The following LRP1B variants were observed in gnomAD, a reference collection of about 807,000 sequenced individuals.
The protein encoded by LRP1B is LDL receptor related protein 1B.
Under a neutral mutation model 556.6 loss-of-function variants are expected in LRP1B, and 217 were observed. The ratio of observed to expected loss-of-function variants is 0.39; its 90% CI spans 0.35 to 0.44. LRP1B has a LOEUF of 0.44. Ranked by LOEUF, LRP1B falls within the 20% of genes least tolerant of loss-of-function variation. The probability of loss-of-function intolerance (pLI) is 1.00; values close to 1 mark genes in which losing one functional copy is unlikely to be tolerated. For missense variants in LRP1B, 5,053 were observed against 5,620.8 expected (o/e 0.90, Z 3.23); for synonymous variants, 2,047 against 1,865.8 (o/e 1.10, Z -2.50).
At chr2:140,306,891 T>C (rs1035128467) in intron 83 of LRP1B, among the ~76,000 whole-genome samples, 13 of 152,276 alleles carry the variant, frequency 8.5e-5, no homozygotes, top group African/African-American at 2.9e-4. Context: ...AACATTTTTA[T>C]TTCTGCTTTC....
At chr2:140,779,716 T>TGC (rs1477361829) in intron 32 of LRP1B, among the ~76,000 whole-genome samples, 1 of 79,632 alleles carries the variant, frequency 1.3e-5, no homozygotes, top group African/African-American at 4.9e-5. Flanking sequence ...AAAAAAAAAG[T>TGC]GTGTGTGTGT....
chr2:141,151,053 A>G (rs1014523593), intron 7 of LRP1B, among the ~76,000 whole-genome samples: 4 of 152,192 alleles, frequency 2.6e-5, no homozygotes, highest in African/African-American at 9.6e-5. Context: ...AATTCACACT[A>G]TCAAGGAATT....
At chr2:141,429,523 G>T (rs1680489609) in intron 3 of LRP1B, among the ~76,000 whole-genome samples, 1 of 152,144 alleles carries the variant, frequency 6.6e-6, no homozygotes, top group Non-Finnish European at 1.5e-5. Context: ...TGTGCAAGAT[G>T]TGCAGGTTTG....
chr2:140,610,188 GTTGT>G (rs767336233), intron 41 of LRP1B, among the ~76,000 whole-genome samples: 61 of 151,964 alleles, frequency 4.0e-4, no homozygotes, highest in Non-Finnish European at 3.4e-4. Flanking sequence ...AATTTTATGT[GTTGT>G]TTGTGTTGTT....
chr2:142,069,745 G>T (rs987650829), intron 1 of LRP1B, among the ~76,000 whole-genome samples: 1 of 151,654 alleles, frequency 6.6e-6, no homozygotes, highest in Non-Finnish European at 1.5e-5. Flanking sequence ...GGTTACAAAA[G>T]GATAACAAGC....
chr2:140,987,476 C>T (rs1274752467), intron 17 of LRP1B, among the ~76,000 whole-genome samples: 4 of 152,048 alleles, frequency 2.6e-5, no homozygotes, highest in Non-Finnish European at 4.4e-5. Flanking sequence ...TATACATAAA[C>T]GTTTTTACTT....
intron 1 of LRP1B, among the ~76,000 whole-genome samples, chr2:141,979,919 G>T (rs1331653578): frequency 1.3e-5 from 2 of 152,038 alleles, no homozygotes; most frequent in South Asian, 2.1e-4. Context: ...TGATTTTCCA[G>T]TTCTTGTAAT....
At chr2:141,242,023 C>T (rs1035567423) in intron 5 of LRP1B, among the ~76,000 whole-genome samples, 16 of 151,836 alleles carry the variant, frequency 1.1e-4, no homozygotes, top group African/African-American at 3.9e-4. Flanking sequence ...TATACTGAAA[C>T]AGATCTTATC....
chr2:140,667,784 G>A (rs1055162523), intron 41 of LRP1B, among the ~76,000 whole-genome samples: 3 of 152,052 alleles, frequency 2.0e-5, no homozygotes, highest in Non-Finnish European at 4.4e-5. Context: ...TTTTTGCTCT[G>A]TAAGACATTA....
At chr2:142,020,132 G>C (rs1703284538) in intron 1 of LRP1B, among the ~76,000 whole-genome samples, 2 of 152,136 alleles carry the variant, frequency 1.3e-5, no homozygotes, top group Admixed American at 1.3e-4. Flanking sequence ...AAAGGGCTTA[G>C]AGTACAGGCA....
intron 35 of LRP1B, among the ~76,000 whole-genome samples, chr2:140,767,483 A>T (rs1689158026): frequency 6.6e-6 from 1 of 151,968 alleles, no homozygotes; most frequent in Non-Finnish European, 1.5e-5. Context: ...ATCCTCCATC[A>T]TGGTACATGA....
chr2:140,587,674 A>G (rs1174215603), intron 43 of LRP1B, among the ~76,000 whole-genome samples: 1 of 152,196 alleles, frequency 6.6e-6, no homozygotes, highest in African/African-American at 2.4e-5. Context: ...TAGTAAGTAC[A>G]TGGGTGTTAT....
chr2:141,834,420 C>T lies in LRP1B; in HGVS notation c.83-24019G>A, dbSNP rs1003961104. On this transcript the variant is annotated intron_variant, in intron 1 of 90. Coordinates refer to ENST00000389484, the MANE Select transcript of LRP1B (RefSeq NM_018557.3). ...AGAGATAGAAACAAAGTGGCTATTT[C>T]AGAGGTAAAACTGATGGGACCAGAT... Among the ~76,000 whole-genome samples the T allele has an allele frequency of 2.6e-5, 4 of 151,776 alleles. 1 individual carries two copies. Among genetic ancestry groups the T allele is most frequent in the Middle Eastern group, 6.3e-3 (2 of 316 alleles).
chr2:140,938,904 A>G (rs1695311665), intron 20 of LRP1B, among the ~76,000 whole-genome samples: 1 of 152,098 alleles, frequency 6.6e-6, no homozygotes, highest in Non-Finnish European at 1.5e-5. Context: ...GACATAAGCA[A>G]AAGAAATAAA....
chr2:140,826,996 G>A (rs1691531490), intron 31 of LRP1B, among the ~76,000 whole-genome samples: 1 of 152,062 alleles, frequency 6.6e-6, no homozygotes. Flanking sequence ...TCCTCGTTAG[G>A]AACCCCACTC....
intron 2 of LRP1B, among the ~76,000 whole-genome samples, chr2:141,663,115 A>T (rs551749010): frequency 4.6e-5 from 7 of 152,334 alleles, no homozygotes; most frequent in African/African-American, 1.7e-4. Context: ...TTAAGGCAGA[A>T]ATCAAGTTGT....
Position 140,314,952 on chromosome 2 carries a change from C to G in LRP1B, c.12788G>C (p.Cys4263Ser), listed in dbSNP as rs2105036245. 6.2e-7 allele frequency: 1 copy of G among 1,606,086 alleles called. No individual in the cohort carries two copies. Among genetic ancestry groups the G allele is most frequent in the South Asian group, 1.1e-5 (1 of 89,454 alleles). ...ATATTTACCTAGAACTGATGGTACGCAAGTTCCTCCATTCTGGCAGTAGTT... is the reference window on the plus strand; with the variant it reads ...ATATTTACCTAGAACTGATGGTACGGAAGTTCCTCCATTCTGGCAGTAGTT... Reference protein sequence around the residue: ...CSNYCQNGGTCVPSVLGRPTC... With the variant: ...CSNYCQNGGTSVPSVLGRPTC... Residue 4263 changes from cysteine (C) to serine (S), a missense_variant, in exon 83 of 91, where the codon TGC becomes TCC. Coordinates refer to ENST00000389484, the MANE Select transcript of LRP1B (RefSeq NM_018557.3).
intron 2 of LRP1B, among the ~76,000 whole-genome samples, chr2:141,792,844 G>A (rs966960941): frequency 6.6e-6 from 1 of 151,720 alleles, no homozygotes; most frequent in Non-Finnish European, 1.5e-5. Flanking sequence ...AAAATAAATA[G>A]TTCAAGACAA....
chr2:140,466,117 C>CTT (rs1489518667), intron 60 of LRP1B, among the ~76,000 whole-genome samples: 1 of 131,334 alleles, frequency 7.6e-6, no homozygotes, highest in African/African-American at 2.8e-5. Flanking sequence ...TTCCTCTTTT[C>CTT]TTTTTTCTTT....
Sources: gnomAD v4.1 joint callset for allele counts (sites outside exome capture counted in the v4.1 genomes callset) on GRCh38, gnomAD v4.1.1 for gene constraint, MANE v1.5 for transcripts, NCBI Gene and HGNC (gene_info 2026-07-23, HGNC 2026-07-21) for gene names.